Variants in RBM34 observed in about 807,000 individuals in gnomAD.
RBM34 encodes the protein RNA-binding protein 34.
A neutral mutation model predicts 44.6 loss-of-function variants in RBM34; 39 were observed. That is an observed-to-expected ratio of 0.87 (90% CI 0.68 to 1.14). RBM34 has a LOEUF of 1.14. Among genes scored for constraint, RBM34 ranks in the 50% most tolerant of loss-of-function variants. RBM34 has a pLI of 0.00. For missense variants in RBM34, 572 were observed against 517.9 expected (o/e 1.10, Z -1.01); for synonymous variants, 194 against 184.0 (o/e 1.05, Z -0.44).
Position 235,132,015 on chromosome 1 carries a change from A to G in RBM34, c.1009-18T>C. On this transcript the variant is annotated intron_variant, in intron 10 of 10. Coordinates refer to ENST00000408888, the MANE Select transcript of RBM34 (RefSeq NM_015014.4). ...TCTGTATTCTGCAAAAGAAAACACA[A>G]TACATTAATTGCTACCAGAAACCCA... is the stretch of plus-strand genomic sequence containing the variant. The G allele has an allele frequency of 1.9e-6, 3 of 1,559,368 alleles. No individual in the cohort carries two copies. Among genetic ancestry groups the G allele is most frequent in the Non-Finnish European group, 2.6e-6 (3 of 1,153,968 alleles).
At chr1:235,142,485 G>A (rs1161736279) in intron 6 of RBM34, among the ~76,000 whole-genome samples, 2 of 151,724 alleles carry the variant, frequency 1.3e-5, no homozygotes, top group Non-Finnish European at 2.9e-5. Flanking sequence ...CACCACGTTG[G>A]CCAGGCTGGT....
At chr1:235,133,533 T>C (rs1397135636) in intron 10 of RBM34, among the ~76,000 whole-genome samples, 1 of 152,110 alleles carries the variant, frequency 6.6e-6, no homozygotes, top group Non-Finnish European at 1.5e-5. Context: ...AGTTCAACTA[T>C]AAAAATGGCA....
intron 10 of RBM34, among the ~76,000 whole-genome samples, chr1:235,135,049 G>C (rs1305600111): frequency 8.2e-6 from 1 of 122,264 alleles, no homozygotes; most frequent in Non-Finnish European, 1.8e-5. Flanking sequence ...TGGCCGGTTT[G>C]TTTTTTTTTT....
At position 235,161,234 on chromosome 1, in the gene RBM34, C is replaced by G. The variant is rs748316548; in HGVS notation, c.-8G>C. On this transcript the variant is annotated 5_prime_UTR_variant, in exon 1 of 11. Transcript: ENST00000408888. Reference sequence around the variant, plus strand: ...CATCCCTTCCAAGGCCATTCTTACTCCAAAGACTCCCAGACTGCAGCTGCG... The same window carrying G: ...CATCCCTTCCAAGGCCATTCTTACTGCAAAGACTCCCAGACTGCAGCTGCG... The G allele has an allele frequency of 6.2e-6, 10 of 1,613,488 alleles. No individual in the cohort carries two copies. Among genetic ancestry groups the G allele is most frequent in the South Asian group, 1.1e-5 (1 of 91,012 alleles).
intron 5 of RBM34, 41 bp from the exon 6 acceptor site, chr1:235,148,488 A>C (rs779342894): frequency 3.4e-6 from 5 of 1,450,782 alleles, no homozygotes; most frequent in Non-Finnish European, 4.7e-6. Context: ...CAGTATTTGA[A>C]GTATTACCTC....
intron 3 of RBM34, 74 bp from the exon 4 acceptor site, chr1:235,155,186 C>T: frequency 8.7e-7 from 1 of 1,146,078 alleles, no homozygotes; most frequent in South Asian, 1.4e-5. Context: ...AAGCACAGCC[C>T]TACCCTCCCG....
intron 10 of RBM34, 87 bp from the exon 11 acceptor site, chr1:235,132,084 C>G (rs771714083): frequency 7.7e-7 from 1 of 1,304,256 alleles, no homozygotes. Context: ...CAGATGAGAA[C>G]GACTTTCAAG....
chr1:235,144,890 C>T (rs1224766559), intron 6 of RBM34, among the ~76,000 whole-genome samples: 1 of 151,996 alleles, frequency 6.6e-6, no homozygotes, highest in African/African-American at 2.4e-5. Context: ...ACTAAAAATA[C>T]AAAATTAGCC....
chr1:235,157,867 C>A (rs1463648535), intron 3 of RBM34, among the ~76,000 whole-genome samples: 1 of 152,164 alleles, frequency 6.6e-6, no homozygotes, highest in East Asian at 1.9e-4. Context: ...TCAGTGGGCA[C>A]TGCTTCAGTG....
rs1448628032 is a variant in RBM34 at position 235,132,011 on chromosome 1, CACAAT to C, written c.1009-19_1009-15del. 8.9e-6 allele frequency: 14 copies of C among 1,565,000 alleles called. No individual in the cohort carries two copies. Among genetic ancestry groups the C allele is most frequent in the Non-Finnish European group, 1.2e-5 (14 of 1,157,002 alleles). ...AGAATCTGTATTCTGCAAAAGAAAA[CACAAT>C]ACATTAATTGCTACCAGAAACCCAT... On this transcript the variant is annotated splice_polypyrimidine_tract_variant and intron_variant, in intron 10 of 10. Transcript: ENST00000408888.
In RBM34 at chr1:235,155,505, CTTTT is replaced by C. The variant is rs745638640; in HGVS notation, c.366-397_366-394del. ...CACAGGCGCATGCCCCCACACGTGG[CTTTT>C]TTTTTTTTTTTTTGAGACGGAGTTT... On this transcript the variant is annotated intron_variant, in intron 3 of 10. Transcript: ENST00000408888. 3.1e-3 allele frequency among the ~76,000 whole-genome samples: 385 copies of C among 123,878 alleles called. 5 individuals are homozygous for C. The highest frequency in any genetic ancestry group is 0.012 in the African/African-American group (369 of 31,610). 81.3% of individuals were successfully genotyped at this position (123,878 alleles called of 152,430 possible).
At chr1:235,160,702 C>T in intron 2 of RBM34, 55 bp from the exon 3 acceptor site, 1 of 1,572,118 alleles carries the variant, frequency 6.4e-7, no homozygotes, top group Non-Finnish European at 8.7e-7. Context: ...AATTCTGACC[C>T]TAAGCCATAA....
At chr1:235,132,120 C>T in intron 10 of RBM34, 123 bp from the exon 11 acceptor site, 1 of 868,294 alleles carries the variant, frequency 1.2e-6, no homozygotes, top group Non-Finnish European at 1.7e-6. Flanking sequence ...CCCATCCAAT[C>T]CCAGGTGTAT....
At chr1:235,132,506 A>G (rs527849550) in intron 10 of RBM34, among the ~76,000 whole-genome samples, 5 of 152,136 alleles carry the variant, frequency 3.3e-5, no homozygotes, top group Non-Finnish European at 7.3e-5. Context: ...ACAGGGTTTC[A>G]CCACGTTAGC....
chr1:235,156,815 A>C (rs1662467112), intron 3 of RBM34: 2 of 321,832 alleles, frequency 6.2e-6, no homozygotes, highest in African/African-American at 4.4e-5. Context: ...AAACAATCAA[A>C]GGCCTCCAAC....
chr1:235,151,414 C>T (rs67673180), intron 5 of RBM34, among the ~76,000 whole-genome samples: 24,606 of 152,092 alleles, frequency 0.16, 2,226 homozygotes, highest in African/African-American at 0.22. Context: ...GAAGGGCAGA[C>T]AAAAGATATG....
intron 4 of RBM34, among the ~76,000 whole-genome samples, chr1:235,153,446 C>G (rs1212370483): frequency 6.9e-6 from 1 of 145,444 alleles, no homozygotes; most frequent in East Asian, 2.0e-4. Context: ...TTTTTTGAGA[C>G]AGAGTCTCAC....
intron 5 of RBM34, among the ~76,000 whole-genome samples, chr1:235,150,507 T>G (rs988689730): frequency 1.3e-5 from 2 of 152,138 alleles, no homozygotes; most frequent in African/African-American, 4.8e-5. Context: ...TTTAGCCACA[T>G]ACTGAAAAAT....
Position 235,131,871 on chromosome 1 carries a change from T to C in RBM34, c.1135A>G (p.Asn379Asp). Reference sequence around the variant, plus strand: ...AGTCCCTGCTTAGGTTTACTGACATTCTTCAATCGTGGATTTGAATTTTGT... The same window carrying C: ...AGTCCCTGCTTAGGTTTACTGACATCCTTCAATCGTGGATTTGAATTTTGT... ...KQQNSNPRLK[N>D]VSKPKQGLNF... Residue 379 changes from asparagine to aspartate, a missense_variant, in exon 11 of 11, where the codon AAT becomes GAT. By Grantham distance (23) the Asn-to-Asp change is conservative. Transcript: ENST00000408888. 6.2e-7 allele frequency: 1 copy of C among 1,614,212 alleles called. No individual in the cohort carries two copies. Among genetic ancestry groups the C allele is most frequent in the Non-Finnish European group, 8.5e-7 (1 of 1,180,018 alleles).
Sources: allele counts gnomAD v4.1 joint callset (sites outside exome capture counted in the v4.1 genomes callset), GRCh38; gene constraint gnomAD v4.1.1; transcripts MANE v1.5; gene names NCBI Gene and HGNC (gene_info 2026-07-23, HGNC 2026-07-21).